CTNNA3: variants seen among roughly 807,000 people sequenced by gnomAD.
The protein encoded by CTNNA3 is catenin alpha-3.
A neutral mutation model predicts 95.7 loss-of-function variants in CTNNA3; 76 were observed. The ratio of observed to expected loss-of-function variants is 0.79; its 90% confidence interval spans 0.66 to 0.96. CTNNA3 has a LOEUF of 0.96. CTNNA3 is among the 40% of genes least tolerant of loss of function. CTNNA3 has a pLI of 0.00. For missense variants in CTNNA3, 1,191 were observed against 1,089.8 expected (o/e 1.09, Z -1.31); for synonymous variants, 431 against 374.4 (o/e 1.15, Z -1.74).
intron 11 of CTNNA3, among the ~76,000 whole-genome samples, chr10:66,421,915 T>TATATATATAC (rs1491235778): frequency 3.1e-5 from 4 of 128,842 alleles, no homozygotes; most frequent in Non-Finnish European, 6.5e-5. Context: ...TATATATATA[T>TATATATATAC]ACACACACAC....
At chr10:66,651,530 AGGCTCGG>A in intron 9 of CTNNA3, among the ~76,000 whole-genome samples, 1 of 146,536 alleles carries the variant, frequency 6.8e-6, no homozygotes, top group African/African-American at 2.5e-5. Flanking sequence ...CCCATCGGGG[AGGCTCGG>A]GCCTTGCGTG....
At chr10:67,640,633 C>G (rs1269799520) in intron 2 of CTNNA3, among the ~76,000 whole-genome samples, 1 of 152,184 alleles carries the variant, frequency 6.6e-6, no homozygotes, top group African/African-American at 2.4e-5. Context: ...ACCAAAACAG[C>G]ATGGTACTGG....
intron 7 of CTNNA3, among the ~76,000 whole-genome samples, chr10:66,789,999 A>T (rs1458225974): frequency 1.3e-5 from 2 of 152,184 alleles, no homozygotes; most frequent in Admixed American, 1.3e-4. Flanking sequence ...AAATATATTA[A>T]AAATGACACA....
intron 7 of CTNNA3, among the ~76,000 whole-genome samples, chr10:66,780,397 A>G (rs919063702): frequency 2.3e-5 from 2 of 85,440 alleles, no homozygotes; most frequent in African/African-American, 8.0e-5. Context: ...AGACTTAAGG[A>G]CTCTATAATA....
chr10:67,068,765 T>C (rs1856249311), intron 7 of CTNNA3, among the ~76,000 whole-genome samples: 1 of 152,076 alleles, frequency 6.6e-6, no homozygotes, highest in Non-Finnish European at 1.5e-5. Context: ...GATTAAGAAG[T>C]GGTATGAGTT....
At chr10:67,702,092 T>C (rs1428902867) in intron 1 of CTNNA3, among the ~76,000 whole-genome samples, 1 of 152,262 alleles carries the variant, frequency 6.6e-6, no homozygotes, top group Non-Finnish European at 1.5e-5. Context: ...TAAATATATA[T>C]GCACCCAATG....
At chr10:66,258,224 A>G (rs980979774) in intron 13 of CTNNA3, among the ~76,000 whole-genome samples, 1 of 152,178 alleles carries the variant, frequency 6.6e-6, no homozygotes, top group Admixed American at 6.5e-5. Flanking sequence ...AGTATCAAAC[A>G]AACTTGCTGA....
intron 7 of CTNNA3, among the ~76,000 whole-genome samples, chr10:67,123,437 C>T (rs1421155525): frequency 6.6e-6 from 1 of 152,142 alleles, no homozygotes; most frequent in Admixed American, 6.6e-5. Flanking sequence ...CAGCATAATA[C>T]AATTACAATA....
intron 17 of CTNNA3, among the ~76,000 whole-genome samples, chr10:65,963,860 T>A (rs567659218): frequency 3.2e-4 from 49 of 152,314 alleles, no homozygotes; most frequent in African/African-American, 1.1e-3. Flanking sequence ...TAAGAATATC[T>A]CTCAGGTTAT....
chr10:67,057,463 T>C (rs1855507561), intron 7 of CTNNA3, among the ~76,000 whole-genome samples: 1 of 152,168 alleles, frequency 6.6e-6, no homozygotes, highest in African/African-American at 2.4e-5. Context: ...TTCTACTCTC[T>C]GCTTCTGTGT....
intron 11 of CTNNA3, among the ~76,000 whole-genome samples, chr10:66,397,480 A>T (rs1432226534): frequency 6.6e-6 from 1 of 151,790 alleles, no homozygotes; most frequent in African/African-American, 2.4e-5. Context: ...TTTCTATTTA[A>T]TTAGTACTCA....
intron 9 of CTNNA3, among the ~76,000 whole-genome samples, chr10:66,743,038 A>T (rs1228384996): frequency 3.9e-5 from 6 of 152,196 alleles, no homozygotes; most frequent in Admixed American, 3.9e-4. Context: ...AAAGTGGTAT[A>T]CATTTAAATT....
At chr10:67,472,507 A>ACTC (rs1847865323) in intron 5 of CTNNA3, among the ~76,000 whole-genome samples, 1 of 151,748 alleles carries the variant, frequency 6.6e-6, no homozygotes, top group African/African-American at 2.4e-5. Flanking sequence ...GCTAAAAAAC[A>ACTC]CTCCTTCCAG....
intron 10 of CTNNA3, among the ~76,000 whole-genome samples, chr10:66,596,219 C>T (rs1843709179): frequency 6.6e-6 from 1 of 152,048 alleles, no homozygotes; most frequent in East Asian, 1.9e-4. Context: ...CCATAAATCC[C>T]ACTGGCTGGT....
intron 7 of CTNNA3, among the ~76,000 whole-genome samples, chr10:66,948,632 T>C (rs1156255986): frequency 1.3e-5 from 2 of 152,204 alleles, no homozygotes; most frequent in African/African-American, 4.8e-5. Flanking sequence ...AAAATTTATA[T>C]CTACAGGAAG....
chr10:66,595,125 G>C (rs955709830), intron 10 of CTNNA3, among the ~76,000 whole-genome samples: 2 of 151,880 alleles, frequency 1.3e-5, no homozygotes, highest in Admixed American at 6.6e-5. Flanking sequence ...CAAGAATCCA[G>C]CTAAGATTCC....
At chr10:66,698,314 T>C (rs1319270435) in intron 9 of CTNNA3, among the ~76,000 whole-genome samples, 1 of 152,198 alleles carries the variant, frequency 6.6e-6, no homozygotes, top group Non-Finnish European at 1.5e-5. Flanking sequence ...ATGCATCTGC[T>C]CCTCTTCACA....
intron 7 of CTNNA3, among the ~76,000 whole-genome samples, chr10:66,910,069 A>T (rs1846156998): frequency 1.3e-5 from 2 of 152,328 alleles, no homozygotes; most frequent in South Asian, 2.1e-4. Context: ...AAATCCCTAG[A>T]AAATGTTTAT....
At chr10:66,295,877 G>A (rs958676630) in intron 12 of CTNNA3, among the ~76,000 whole-genome samples, 2 of 152,172 alleles carry the variant, frequency 1.3e-5, no homozygotes, top group Non-Finnish European at 2.9e-5. Context: ...GGAACATGGT[G>A]TATTTGTATT....
Sources: gnomAD v4.1 joint callset for allele counts (sites outside exome capture counted in the v4.1 genomes callset) on GRCh38, gnomAD v4.1.1 for gene constraint, MANE v1.5 for transcripts, NCBI Gene and HGNC (gene_info 2026-07-23, HGNC 2026-07-21) for gene names.